SRL: variants seen among roughly 807,000 people sequenced by gnomAD.
SRL encodes sarcalumenin.
A neutral mutation model predicts 39.5 loss-of-function variants in SRL; 23 were observed. That is an observed-to-expected ratio of 0.58 (90% CI 0.42 to 0.82). The LOEUF (loss-of-function observed/expected upper bound fraction) is 0.82. Among genes scored for constraint, SRL ranks in the 40% least tolerant of loss-of-function variants. SRL has a pLI of 0.00. For synonymous variants in SRL, 272 were observed against 237.4 expected (o/e 1.15, Z -1.34); for missense variants, 592 against 607.8 (o/e 0.97, Z 0.27).
intron 5 of SRL, 132 bp from the exon 6 acceptor site, chr16:4,193,096 CTA>C (rs2052091008): frequency 1.3e-6 from 1 of 759,608 alleles, no homozygotes; most frequent in South Asian, 1.9e-5. Flanking sequence ...TTTCTACAGA[CTA>C]TTAAAAAATC....
chr16:4,204,096 G>A (rs2052278150), intron 2 of SRL, among the ~76,000 whole-genome samples: 3 of 152,226 alleles, frequency 2.0e-5, no homozygotes, highest in Admixed American at 6.5e-5. Context: ...CTGCTAGCCT[G>A]AGCTCCAGTT....
intron 2 of SRL, among the ~76,000 whole-genome samples, chr16:4,203,651 T>G (rs2052269306): frequency 6.6e-6 from 1 of 152,036 alleles, no homozygotes; most frequent in African/African-American, 2.4e-5. Flanking sequence ...CCTCCCAAAG[T>G]GCTGGAATTA....
chr16:4,200,345 G>C (rs768324042), intron 3 of SRL, among the ~76,000 whole-genome samples: 4 of 152,160 alleles, frequency 2.6e-5, no homozygotes, highest in Non-Finnish European at 5.9e-5. Context: ...TAGATGTTCC[G>C]GTTCTCCGAG....
intron 3 of SRL, among the ~76,000 whole-genome samples, chr16:4,200,572 T>G (rs1007168955): frequency 6.6e-5 from 10 of 152,094 alleles, no homozygotes. Flanking sequence ...ACTCTGGAGC[T>G]CCTGGCCCTG....
At chr16:4,216,158 A>G (rs906710313) in intron 1 of SRL, among the ~76,000 whole-genome samples, 1 of 152,216 alleles carries the variant, frequency 6.6e-6, no homozygotes, top group Non-Finnish European at 1.5e-5. Flanking sequence ...TTTGGGAGGT[A>G]GAAAGAAATT....
chr16:4,219,069 C>G lies in SRL; in HGVS notation c.62-14435G>C, dbSNP rs192864732. Reference sequence around the variant, plus strand: ...TTATCCTTATGGTTATTTTTGCATTCAAGGCTCTAGAATCAGAAAGAAACT... The same window carrying G: ...TTATCCTTATGGTTATTTTTGCATTGAAGGCTCTAGAATCAGAAAGAAACT... On this transcript the variant is annotated intron_variant, in intron 1 of 5. Coordinates refer to ENST00000399609, the MANE Select transcript of SRL (RefSeq NM_001098814.2). 2.0e-5 allele frequency among the ~76,000 whole-genome samples: 3 copies of G among 152,378 alleles called. No individual in the cohort carries two copies. In the East Asian group the frequency reaches 5.8e-4, roughly 29 times the overall value.
At chr16:4,217,148 C>A (rs1212186280) in intron 1 of SRL, among the ~76,000 whole-genome samples, 1 of 152,176 alleles carries the variant, frequency 6.6e-6, no homozygotes, top group East Asian at 1.9e-4. Context: ...AGGCCCACGG[C>A]TATGCCTTTT....
rs370308633 is a variant in SRL, at chr16:4,192,761, G to C, written c.814C>G (p.Leu272Val). ...ATGAGAGGGGCCAAGCTCCAGAAGA[G>C]GGCCCCGTAAACCCGCATGAGCATT... Reference protein sequence around the residue: ...TQMLMRVYGALFWSLAPLINV... With the variant: ...TQMLMRVYGAVFWSLAPLINV... Residue 272 changes from leucine to valine, a missense_variant, in exon 6 of 6, where the codon CTC (leucine) becomes GTC (valine). Leu to Val is a conservative substitution (Grantham distance 32, BLOSUM62 1). Coordinates refer to ENST00000399609, the MANE Select transcript of SRL (RefSeq NM_001098814.2). This position sits in a 1 kb window ranked among gnomAD's most constrained non-coding sequence, Gnocchi z 4.0. 1.5e-5 allele frequency: 25 copies of C among 1,614,084 alleles called. No homozygotes were observed. The highest frequency in any genetic ancestry group is 2.1e-5 in the Non-Finnish European group (25 of 1,180,054).
chr16:4,194,550 C>T (rs927596916), intron 5 of SRL, among the ~76,000 whole-genome samples: 3 of 152,126 alleles, frequency 2.0e-5, no homozygotes, highest in African/African-American at 7.2e-5. Flanking sequence ...GAGCACCAAA[C>T]CCAATTTAGC....
rs116016015 is a variant in SRL at position 4,192,611 on chromosome 16, T to C, written c.964A>G (p.Ile322Val). Residue 322 changes from isoleucine to valine, a missense_variant, in exon 6 of 6, where the codon ATC (isoleucine) becomes GTC (valine). Coordinates refer to ENST00000399609, the MANE Select transcript of SRL (RefSeq NM_001098814.2). This position sits in a 1 kb window ranked among gnomAD's most constrained non-coding sequence, Gnocchi z 4.0. ...ISLLEDLNQV[I>V]ENRLENKIAF... Reference sequence around the variant, plus strand: ...ATCTTGTTCTCCAGTCTGTTCTCGATCACCTGATTCAGGTCTTCTAGGAGG... The same window carrying C: ...ATCTTGTTCTCCAGTCTGTTCTCGACCACCTGATTCAGGTCTTCTAGGAGG... 4.7e-5 allele frequency: 76 copies of C among 1,614,080 alleles called. 1 individual carries two copies. The South Asian group carries it at 7.7e-4, about 16-fold the overall frequency.
At chr16:4,204,741 G>T (rs2052296752) in intron 1 of SRL, 107 bp from the exon 2 acceptor site, 2 of 895,918 alleles carry the variant, frequency 2.2e-6, no homozygotes, top group East Asian at 2.5e-5. Flanking sequence ...GGCTCAACAG[G>T]GTCTTGCCAA....
At chr16:4,199,747 A>C (rs1316735027) in intron 3 of SRL, among the ~76,000 whole-genome samples, 1 of 133,506 alleles carries the variant, frequency 7.5e-6, no homozygotes, top group African/African-American at 2.9e-5. Context: ...CCCAGGCTAG[A>C]GTGCAGTGGC....
At chr16:4,224,396 A>G (rs1204842883) in intron 1 of SRL, among the ~76,000 whole-genome samples, 1 of 152,130 alleles carries the variant, frequency 6.6e-6, no homozygotes, top group Non-Finnish European at 1.5e-5. Flanking sequence ...AGAACGTACA[A>G]GATATTTCTA....
intron 1 of SRL, among the ~76,000 whole-genome samples, chr16:4,241,102 G>A (rs2052767777): frequency 6.6e-6 from 1 of 152,110 alleles, no homozygotes; most frequent in Non-Finnish European, 1.5e-5. Context: ...ACGGACCTAG[G>A]CTCAGAGCCC....
rs1347982001 is a variant in SRL, at chr16:4,190,741, A to G, written c.*1412T>C. 8 of 345,136 alleles carry G rather than the reference A, an allele frequency of 2.3e-5. No homozygotes were observed. In the Admixed American group the frequency reaches 2.4e-4, roughly 10 times the overall value. The allele number at this position is 345,136 out of a possible 1,614,324, so 21.4% of individuals were successfully genotyped here. A position where few individuals can be genotyped will look rare whatever the true frequency, so the allele number is the denominator to read the frequency against. On this transcript the variant is annotated 3_prime_UTR_variant, in exon 6 of 6. Coordinates refer to ENST00000399609, the MANE Select transcript of SRL (RefSeq NM_001098814.2). ...GCATCAAGGTCAGGCGGGAAGGTCA[A>G]TGTTAAGCCTTGGTGGCCACCGACA...
chr16:4,203,385 T>C, intron 2 of SRL, 124 bp from the exon 3 acceptor site: 1 of 726,322 alleles, frequency 1.4e-6, no homozygotes, highest in South Asian at 1.6e-5. Context: ...CAAGTGCTGT[T>C]TGCAGCCCAG....
At chr16:4,215,495 C>A (rs1324720690) in intron 1 of SRL, among the ~76,000 whole-genome samples, 2 of 152,230 alleles carry the variant, frequency 1.3e-5, no homozygotes, top group East Asian at 3.8e-4. Context: ...TGATTTCACT[C>A]ATGAACAAAA....
intron 1 of SRL, among the ~76,000 whole-genome samples, chr16:4,225,280 C>G (rs901392588): frequency 1.3e-5 from 2 of 152,090 alleles, no homozygotes; most frequent in Non-Finnish European, 2.9e-5. Context: ...CTCAATAAAC[C>G]TGTTTTCAAA....
At chr16:4,204,852 G>C (rs1428248152) in intron 1 of SRL, among the ~76,000 whole-genome samples, 2 of 152,208 alleles carry the variant, frequency 1.3e-5, no homozygotes, top group Non-Finnish European at 2.9e-5. Context: ...CTGGTCCACA[G>C]CTCAACCTGC....
Sources: gnomAD v4.1 joint callset for allele counts (sites outside exome capture counted in the v4.1 genomes callset) on GRCh38, gnomAD v4.1.1 for gene constraint, Gnocchi (gnomAD v3.1) non-coding constraint, MANE v1.5 for transcripts, NCBI Gene and HGNC (gene_info 2026-07-23, HGNC 2026-07-21) for gene names.